OPCML: variants seen among roughly 807,000 people sequenced by gnomAD.
The protein encoded by OPCML is opioid binding protein/cell adhesion molecule like.
OPCML carries 13 observed loss-of-function variants against 37.8 expected under a neutral mutation model. That is an observed-to-expected ratio of 0.34 (90% confidence interval 0.22 to 0.55). OPCML has a LOEUF of 0.55. Ranked by LOEUF, OPCML falls within the 20% of genes least tolerant of loss-of-function variation. OPCML has a pLI of 0.91. For synonymous variants in OPCML, 176 were observed against 168.8 expected (o/e 1.04, Z -0.33); for missense variants, 341 against 435.6 (o/e 0.78, Z 1.93).
chr11:133,073,468 G>T (rs565365258), intron 1 of OPCML, among the ~76,000 whole-genome samples: 1 of 152,356 alleles, frequency 6.6e-6, no homozygotes, highest in African/African-American at 2.4e-5. Flanking sequence ...ACCCAGGACA[G>T]GGAGCTGAGG....
At chr11:133,035,503 TCTAGA>T (rs1368141850) in intron 1 of OPCML, among the ~76,000 whole-genome samples, 1 of 152,140 alleles carries the variant, frequency 6.6e-6, no homozygotes, top group Non-Finnish European at 1.5e-5. Flanking sequence ...CCAGAACAGA[TCTAGA>T]CTAAAGTATT....
intron 1 of OPCML, among the ~76,000 whole-genome samples, chr11:133,390,891 G>A (rs531269254): frequency 6.6e-6 from 1 of 152,224 alleles, no homozygotes; most frequent in East Asian, 1.9e-4. Flanking sequence ...CAACTGCAAG[G>A]AGCAATAAAA....
At chr11:133,513,480 C>T (rs1948201362) in intron 1 of OPCML, among the ~76,000 whole-genome samples, 1 of 152,198 alleles carries the variant, frequency 6.6e-6, no homozygotes, top group Non-Finnish European at 1.5e-5. Context: ...AATTCTCATC[C>T]TTTAAAAACC....
chr11:132,663,813 TG>T (rs948515123), intron 2 of OPCML, among the ~76,000 whole-genome samples: 151 of 152,226 alleles, frequency 9.9e-4, no homozygotes, highest in African/African-American at 3.0e-3. Context: ...GATTTAATGT[TG>T]TTTTTTTTGT....
At chr11:133,041,545 A>G (rs1452282914) in intron 1 of OPCML, among the ~76,000 whole-genome samples, 2 of 152,194 alleles carry the variant, frequency 1.3e-5, no homozygotes, top group Non-Finnish European at 2.9e-5. Flanking sequence ...GGCATCCTGC[A>G]CTGTATCTTC....
At chr11:132,539,522 C>CTGA (rs1480618146) in intron 3 of OPCML, among the ~76,000 whole-genome samples, 3 of 152,028 alleles carry the variant, frequency 2.0e-5, no homozygotes, top group African/African-American at 4.8e-5. Context: ...GCTGCTGCTG[C>CTGA]TGCTGCTGCT....
At chr11:133,439,512 G>T (rs7115773) in intron 1 of OPCML, 4 of 887,924 alleles carry the variant, frequency 4.5e-6, no homozygotes, top group Non-Finnish European at 5.4e-6. Context: ...CTGTCGCCCA[G>T]GCTGGAGTGC....
intron 1 of OPCML, among the ~76,000 whole-genome samples, chr11:133,303,361 T>C (rs111237383): frequency 1.2e-4 from 18 of 152,138 alleles, no homozygotes; most frequent in Non-Finnish European, 1.9e-4. Context: ...GAAGAGAAAC[T>C]CTAACAAAAA....
At chr11:133,384,527 CCTT>C (rs1454923625) in intron 1 of OPCML, among the ~76,000 whole-genome samples, 1 of 152,322 alleles carries the variant, frequency 6.6e-6, no homozygotes, top group Non-Finnish European at 1.5e-5. Context: ...CTGATTTACT[CCTT>C]CTCTCTGGCT....
intron 2 of OPCML, among the ~76,000 whole-genome samples, chr11:132,762,355 C>T (rs1232088026): frequency 6.6e-6 from 1 of 152,224 alleles, no homozygotes; most frequent in African/African-American, 2.4e-5. Flanking sequence ...GGACATCCGC[C>T]TCTCTCCTCA....
At chr11:133,345,015 T>C (rs1312957822) in intron 1 of OPCML, among the ~76,000 whole-genome samples, 1 of 152,200 alleles carries the variant, frequency 6.6e-6, no homozygotes, top group East Asian at 1.9e-4. Flanking sequence ...CATCACCCTC[T>C]GCGTGACTTC....
chr11:132,972,424 C>G lies in OPCML; in HGVS notation c.62-29414G>C, dbSNP rs553751791. On this transcript the variant is annotated intron_variant, in intron 1 of 7. Coordinates refer to ENST00000524381, the MANE Select transcript of OPCML (RefSeq NM_001012393.5). ...CCTGGCAGGGGTTGTCTGAAAGCAA[C>G]AGGCAACACACAGTTACCAAGGTCA... Among the ~76,000 whole-genome samples the G allele has an allele frequency of 3.3e-5, 5 of 152,306 alleles. No individual in the cohort carries two copies. The East Asian group carries it at 9.6e-4, about 29-fold the overall frequency.
intron 1 of OPCML, among the ~76,000 whole-genome samples, chr11:132,954,914 TAAG>T (rs377126984): frequency 1.3e-5 from 2 of 152,058 alleles, no homozygotes; most frequent in African/African-American, 4.8e-5. Context: ...AGGAGACCTT[TAAG>T]AAGAAAAGAG....
chr11:133,009,406 T>C (rs779160132), intron 1 of OPCML: 1 of 227,508 alleles, frequency 4.4e-6, no homozygotes, highest in Non-Finnish European at 7.3e-6. Flanking sequence ...AGTCTGGCAC[T>C]TTTGTTCCTA....
chr11:133,448,080 C>T (rs1314439527), intron 1 of OPCML, among the ~76,000 whole-genome samples: 1 of 152,082 alleles, frequency 6.6e-6, no homozygotes, highest in Non-Finnish European at 1.5e-5. Flanking sequence ...GTGAATCATG[C>T]TTTTGGTATC....
intron 1 of OPCML, among the ~76,000 whole-genome samples, chr11:132,946,306 C>T (rs1220449191): frequency 3.3e-5 from 5 of 152,034 alleles, no homozygotes; most frequent in African/African-American, 1.2e-4. Context: ...TTTACAATCA[C>T]CTTTTTAAAA....
chr11:132,598,577 A>T (rs1023266237), intron 3 of OPCML, among the ~76,000 whole-genome samples: 1 of 152,074 alleles, frequency 6.6e-6, no homozygotes, highest in East Asian at 1.9e-4. Flanking sequence ...TTTCATCAAC[A>T]CTGTGTAATA....
At chr11:133,459,161 T>C (rs933422332) in intron 1 of OPCML, among the ~76,000 whole-genome samples, 1 of 152,046 alleles carries the variant, frequency 6.6e-6, no homozygotes, top group Non-Finnish European at 1.5e-5. Flanking sequence ...TTAACAAAGA[T>C]TGTCATAACT....
intron 4 of OPCML, among the ~76,000 whole-genome samples, chr11:132,496,004 C>A (rs1488485971): frequency 6.6e-6 from 1 of 151,974 alleles, no homozygotes; most frequent in East Asian, 1.9e-4. Flanking sequence ...CTAGAAGTAG[C>A]ATCATAAAAA....
Sources: allele counts gnomAD v4.1 joint callset (sites outside exome capture counted in the v4.1 genomes callset), GRCh38; gene constraint gnomAD v4.1.1; transcripts MANE v1.5; gene names NCBI Gene and HGNC (gene_info 2026-07-23, HGNC 2026-07-21).